The following COLEC12 variants were observed in gnomAD, a reference collection of about 807,000 sequenced individuals.
COLEC12 encodes collectin subfamily member 12, also known as collectin-12.
Under a neutral mutation model 71.1 loss-of-function variants are expected in COLEC12, and 33 were observed. The observed-to-expected ratio is 0.46, with a 90% CI of 0.35 to 0.62. The LOEUF is 0.62. Ranked by LOEUF, COLEC12 falls within the 20% of genes least tolerant of loss-of-function variation. COLEC12 has a pLI of 0.00. For missense variants in COLEC12, 765 were observed against 916.1 expected (o/e 0.84, Z 2.13); for synonymous variants, 350 against 353.0 (o/e 0.99, Z 0.10).
intron 2 of COLEC12, among the ~76,000 whole-genome samples, chr18:450,885 A>C (rs1247578645): frequency 6.6e-6 from 1 of 151,300 alleles, no homozygotes; most frequent in Non-Finnish European, 1.5e-5. Flanking sequence ...GATGCAAATA[A>C]GGAATTTATT....
intron 3 of COLEC12, among the ~76,000 whole-genome samples, chr18:349,429 A>G (rs960923448): frequency 2.0e-5 from 3 of 152,238 alleles, no homozygotes; most frequent in African/African-American, 7.2e-5. Context: ...TTGGATACCC[A>G]GGGAGAGGTT....
chr18:384,084 A>C (rs1230452770), intron 2 of COLEC12, among the ~76,000 whole-genome samples: 1 of 152,208 alleles, frequency 6.6e-6, no homozygotes, highest in African/African-American at 2.4e-5. Context: ...CTACAATTCA[A>C]GATGAGATTT....
At chr18:455,969 C>T (rs1199030991) in intron 2 of COLEC12, among the ~76,000 whole-genome samples, 1 of 152,200 alleles carries the variant, frequency 6.6e-6, no homozygotes, top group Non-Finnish European at 1.5e-5. Context: ...CAGCACAGCA[C>T]ACTTTAACTG....
At chr18:330,967 C>A (rs1354713412) in intron 8 of COLEC12, among the ~76,000 whole-genome samples, 1 of 151,598 alleles carries the variant, frequency 6.6e-6, no homozygotes, top group Non-Finnish European at 1.5e-5. Context: ...ACAACCTCCG[C>A]CTCCTGGGTT....
intron 8 of COLEC12, among the ~76,000 whole-genome samples, chr18:323,207 C>G (rs893746336): frequency 6.6e-6 from 1 of 152,166 alleles, no homozygotes; most frequent in Non-Finnish European, 1.5e-5. Flanking sequence ...GCCTGGGTGA[C>G]AGAGCGAGGC....
intron 2 of COLEC12, among the ~76,000 whole-genome samples, chr18:414,315 C>T (rs767755795): frequency 2.6e-5 from 4 of 152,070 alleles, no homozygotes; most frequent in South Asian, 2.1e-4. Flanking sequence ...TTGGGTCGGG[C>T]GCGGTGGCTC....
chr18:327,463 G>A lies in COLEC12; in HGVS notation c.2063+4205C>T, dbSNP rs992579174. On this transcript the variant is annotated intron_variant, in intron 8 of 9. Coordinates refer to ENST00000400256, the MANE Select transcript of COLEC12 (RefSeq NM_130386.3). The surrounding 1 kb of genome is among the most constrained non-coding windows in gnomAD (Gnocchi z 4.0). ...CCACCCTTTCCCCTCAGCTGGTCCTGTCCTGCTGCGGTGCAGAAAGAGCCA... is the reference window on the plus strand; with the variant it reads ...CCACCCTTTCCCCTCAGCTGGTCCTATCCTGCTGCGGTGCAGAAAGAGCCA... Among the ~76,000 whole-genome samples the A allele has an allele frequency of 2.6e-5, 4 of 152,182 alleles. No homozygotes were observed. Among genetic ancestry groups the A allele is most frequent in the African/African-American group, 9.7e-5 (4 of 41,440 alleles).
Position 464,340 on chromosome 18 carries a change from G to C in COLEC12, c.58+16367C>G, listed in dbSNP as rs149553840. Among the ~76,000 whole-genome samples, 68 of 152,324 alleles carry C rather than the reference G, an allele frequency of 4.5e-4. No individual in the cohort carries two copies. The East Asian group carries it at 0.011, about 25-fold the overall frequency. On this transcript the variant is annotated intron_variant, in intron 2 of 9. Transcript: ENST00000400256. ...GTCTATCACTTAACAATGGATCCCA[G>C]AGCTGGGTGTATGTATATGTGCTTC...
At position 360,483 on chromosome 18, in the gene COLEC12, G is replaced by A. The variant is rs554074925; in HGVS notation, c.59-2961C>T. 3.3e-5 allele frequency among the ~76,000 whole-genome samples: 5 copies of A among 152,158 alleles called. No individual in the cohort carries two copies. The East Asian group carries it at 7.7e-4, about 23-fold the overall frequency. ...TGGGAGTATAGGTGTGAGCCACCAC[G>A]CCTGGCCAAGAATTTGGATTTCTAA... is the stretch of plus-strand genomic sequence containing the variant. On this transcript the variant is annotated intron_variant, in intron 2 of 9. Coordinates refer to ENST00000400256, the MANE Select transcript of COLEC12 (RefSeq NM_130386.3).
In COLEC12 at chr18:493,031, T is replaced by C. The variant is rs144610946; in HGVS notation, c.7+7477A>G. On this transcript the variant is annotated intron_variant, in intron 1 of 9. Coordinates refer to ENST00000400256, the MANE Select transcript of COLEC12 (RefSeq NM_130386.3). ...GAGCCTGAGCAACATAGCAAAACCCTGTCTCTACAAAACATACAAAAATTA... is the reference window on the plus strand; with the variant it reads ...GAGCCTGAGCAACATAGCAAAACCCCGTCTCTACAAAACATACAAAAATTA... Among the ~76,000 whole-genome samples the C allele has an allele frequency of 7.7e-3, 1,174 of 152,242 alleles. 16 individuals are homozygous for C. The highest frequency in any genetic ancestry group is 0.028 in the African/African-American group (1,143 of 41,534).
chr18:390,983 T>A (rs939597245), intron 2 of COLEC12, among the ~76,000 whole-genome samples: 2 of 152,202 alleles, frequency 1.3e-5, no homozygotes, highest in African/African-American at 4.8e-5. Context: ...GCAGCAGCTG[T>A]GGGCAGCTGT....
intron 2 of COLEC12, among the ~76,000 whole-genome samples, chr18:382,217 T>C (rs1915248183): frequency 6.6e-6 from 1 of 152,220 alleles, no homozygotes; most frequent in Admixed American, 6.5e-5. Flanking sequence ...GTCTTTAAAT[T>C]ATCAAAATCT....
At chr18:496,973 T>C (rs1188595250) in intron 1 of COLEC12, among the ~76,000 whole-genome samples, 1 of 152,206 alleles carries the variant, frequency 6.6e-6, no homozygotes, top group African/African-American at 2.4e-5. Flanking sequence ...AGCCATGAGA[T>C]TGATGGTGTA....
chr18:469,843 T>C (rs981405933), intron 2 of COLEC12, among the ~76,000 whole-genome samples: 1 of 150,570 alleles, frequency 6.6e-6, no homozygotes, highest in Non-Finnish European at 1.5e-5. Flanking sequence ...AGCATGGACA[T>C]CTTTAGGAGA....
At chr18:494,691 T>A (rs1291067385) in intron 1 of COLEC12, among the ~76,000 whole-genome samples, 2 of 152,254 alleles carry the variant, frequency 1.3e-5, no homozygotes, top group Admixed American at 6.5e-5. Flanking sequence ...TGCCTTTGAA[T>A]AATAAATTGT....
chr18:430,391 A>G (rs1916280664), intron 2 of COLEC12, among the ~76,000 whole-genome samples: 1 of 152,132 alleles, frequency 6.6e-6, no homozygotes, highest in Non-Finnish European at 1.5e-5. Context: ...TGCATACTCC[A>G]TATCTAGATA....
intron 2 of COLEC12, among the ~76,000 whole-genome samples, chr18:459,400 T>C (rs1916934155): frequency 6.6e-6 from 1 of 152,210 alleles, no homozygotes; most frequent in Non-Finnish European, 1.5e-5. Flanking sequence ...AAGTCTACTT[T>C]TGAATGAATG....
In COLEC12 at chr18:321,650, T is replaced by A; in HGVS notation, c.2209+12A>T. 6.2e-7 allele frequency: 1 copy of A among 1,614,110 alleles called. No individual in the cohort carries two copies. Among genetic ancestry groups the A allele is most frequent in the Non-Finnish European group, 8.5e-7 (1 of 1,179,986 alleles). On this transcript the variant is annotated intron_variant, in intron 9 of 9. Coordinates refer to ENST00000400256, the MANE Select transcript of COLEC12 (RefSeq NM_130386.3). ...GCTGGCAGCTCCCTCTTAAATCCCA[T>A]CTACTGCTCACCTGTCTCCCTGTCT...
intron 2 of COLEC12, among the ~76,000 whole-genome samples, chr18:368,617 A>C (rs9951376): frequency 0.034 from 5,013 of 149,524 alleles, 234 homozygotes; most frequent in African/African-American, 0.1. Context: ...GTAATCCCAG[A>C]ACTTTGGGAG....
Sources: gnomAD v4.1 joint callset for allele counts (sites outside exome capture counted in the v4.1 genomes callset) on GRCh38, gnomAD v4.1.1 for gene constraint, Gnocchi (gnomAD v3.1) non-coding constraint, MANE v1.5 for transcripts, NCBI Gene and HGNC (gene_info 2026-07-23, HGNC 2026-07-21) for gene names.